The following COL4A2 variants were observed in gnomAD, a reference collection of about 807,000 sequenced individuals.
COL4A2 encodes the protein collagen alpha-2(IV) chain.
COL4A2 carries 99 observed loss-of-function variants against 200.2 expected under a neutral mutation model. The ratio of observed to expected loss-of-function variants is 0.49; its 90% confidence interval spans 0.42 to 0.58. The LOEUF (loss-of-function observed/expected upper bound fraction) is 0.58. Among genes scored for constraint, COL4A2 ranks in the 20% least tolerant of loss-of-function variants. COL4A2 has a pLI of 0.00. For synonymous variants in COL4A2, 897 were observed against 900.6 expected, an observed-to-expected ratio of 1.00 and a Z score of 0.07; for missense variants, 1,950 against 2,314.1, an observed-to-expected ratio of 0.84 and a Z score of 3.23.
intron 40 of COL4A2, 143 bp from the exon 41 acceptor site, chr13:110,501,525 G>T: frequency 3.0e-6 from 2 of 659,324 alleles, no homozygotes; most frequent in Non-Finnish European, 2.6e-6. Flanking sequence ...ACCATGAGAT[G>T]TTCCTTGGCC....
intron 24 of COL4A2, among the ~76,000 whole-genome samples, chr13:110,465,199 C>T (rs1566549332): frequency 6.6e-6 from 1 of 152,166 alleles, no homozygotes; most frequent in East Asian, 1.9e-4. Flanking sequence ...GAACCGGCTT[C>T]CGTGGCATTG....
intron 20 of COL4A2, 54 bp downstream of exon 20, chr13:110,450,508 GGTCCCA>G: frequency 3.8e-6 from 6 of 1,589,710 alleles, no homozygotes; most frequent in Non-Finnish European, 5.2e-6. Flanking sequence ...GATGAAGCCC[GGTCCCA>G]GCCGGATGTT....
chr13:110,413,840 G>C (rs1252018631), intron 4 of COL4A2, among the ~76,000 whole-genome samples: 1 of 152,196 alleles, frequency 6.6e-6, no homozygotes, highest in African/African-American at 2.4e-5. Context: ...CAGCATGTGG[G>C]ACCCTCAGGG....
At chr13:110,417,614 T>C (rs1880092780) in intron 4 of COL4A2, among the ~76,000 whole-genome samples, 1 of 152,198 alleles carries the variant, frequency 6.6e-6, no homozygotes, top group Non-Finnish European at 1.5e-5. Context: ...GCCCTCTCAG[T>C]TAGTCCCTCC....
intron 3 of COL4A2, among the ~76,000 whole-genome samples, chr13:110,340,183 T>A (rs1194744064): frequency 6.6e-6 from 1 of 152,150 alleles, no homozygotes; most frequent in East Asian, 1.9e-4. Flanking sequence ...GAGTGCCTGA[T>A]CTCAGCTCAC....
intron 3 of COL4A2, among the ~76,000 whole-genome samples, chr13:110,319,289 C>T (rs1179826135): frequency 6.6e-6 from 1 of 152,134 alleles, no homozygotes; most frequent in Non-Finnish European, 1.5e-5. Context: ...CCAAAGGAAA[C>T]ATTTTAATAT....
At chr13:110,408,482 C>T (rs1482209523) in intron 4 of COL4A2, among the ~76,000 whole-genome samples, 1 of 152,232 alleles carries the variant, frequency 6.6e-6, no homozygotes, top group African/African-American at 2.4e-5. Flanking sequence ...CGTCGGCTGG[C>T]CGTCCCCAAG....
chr13:110,476,543 C>T (rs1882711929), intron 29 of COL4A2, among the ~76,000 whole-genome samples: 1 of 152,196 alleles, frequency 6.6e-6, no homozygotes, highest in Non-Finnish European at 1.5e-5. Flanking sequence ...CTGACCGGGT[C>T]CCTTTTGTCA....
intron 24 of COL4A2, among the ~76,000 whole-genome samples, chr13:110,465,004 T>C (rs9515227): frequency 0.58 from 88,415 of 152,086 alleles, 26,391 homozygotes; most frequent in Middle Eastern, 0.73. Context: ...ACGTAGCATC[T>C]CTTAAAATAA....
At chr13:110,437,864 CAT>C (rs1200325889) in intron 13 of COL4A2, 136 bp from the exon 14 acceptor site, 67 of 746,904 alleles carry the variant, frequency 9.0e-5, no homozygotes, top group Non-Finnish European at 1.4e-4. Context: ...ATTTAAGAGT[CAT>C]GTGTTGTAAT....
intron 32 of COL4A2, among the ~76,000 whole-genome samples, chr13:110,484,548 G>A (rs971175260): frequency 5.3e-5 from 8 of 152,234 alleles, no homozygotes; most frequent in Middle Eastern, 3.4e-3. Context: ...GCTTGTGACC[G>A]AGGTCCATCA....
At chr13:110,334,532 A>G (rs1201923116) in intron 3 of COL4A2, among the ~76,000 whole-genome samples, 1 of 152,212 alleles carries the variant, frequency 6.6e-6, no homozygotes, top group East Asian at 1.9e-4. Context: ...TCCCTTCCCA[A>G]GTAGAAACAC....
In COL4A2 at chr13:110,307,815, G is replaced by T; in HGVS notation, c.-44-45G>T. 22 of 1,480,792 alleles carry T rather than the reference G, an allele frequency of 1.5e-5. No individual in the cohort carries two copies. Among genetic ancestry groups the T allele is most frequent in the Non-Finnish European group, 2.0e-5 (22 of 1,098,222 alleles). 91.7% of individuals were successfully genotyped at this position (1,480,792 alleles called of 1,614,324 possible). A position where few individuals can be genotyped will look rare whatever the true frequency, so the allele number is the denominator to read the frequency against. ...CCGAGACCGGCGGTGAGGATGGGCT[G>T]CCTCCCTCATCCTGCGCTAAACTCG... On this transcript the variant is annotated intron_variant, in intron 1 of 47. Transcript: ENST00000360467. This position sits in a 1 kb window ranked among gnomAD's most constrained non-coding sequence, Gnocchi z 5.0.
At chr13:110,317,922 A>G (rs946110967) in intron 3 of COL4A2, among the ~76,000 whole-genome samples, 2 of 152,216 alleles carry the variant, frequency 1.3e-5, no homozygotes, top group Non-Finnish European at 2.9e-5. Context: ...ACAGAGAGAC[A>G]GGGGATTCCA....
intron 10 of COL4A2, among the ~76,000 whole-genome samples, chr13:110,431,661 G>A (rs1880685844): frequency 6.6e-6 from 1 of 152,250 alleles, no homozygotes; most frequent in East Asian, 1.9e-4. Context: ...GGAGAAGTCC[G>A]GCACAACAGA....
At chr13:110,331,234 T>C (rs1308947563) in intron 3 of COL4A2, among the ~76,000 whole-genome samples, 1 of 152,192 alleles carries the variant, frequency 6.6e-6, no homozygotes, top group African/African-American at 2.4e-5. Context: ...TATATTACAG[T>C]TCCCAATTAT....
chr13:110,503,024 A>C, intron 41 of COL4A2, 97 bp from the exon 42 acceptor site: 11 of 1,145,492 alleles, frequency 9.6e-6, no homozygotes, highest in Non-Finnish European at 1.3e-5. Flanking sequence ...CAGACTTGCC[A>C]GAGACTGTCG....
At chr13:110,403,588 A>G (rs1879454725) in intron 4 of COL4A2, among the ~76,000 whole-genome samples, 1 of 152,124 alleles carries the variant, frequency 6.6e-6, no homozygotes, top group Admixed American at 6.5e-5. Flanking sequence ...GGAATCTCTA[A>G]GATGGTTGAG....
At chr13:110,422,527 G>C (rs1594205234) in intron 4 of COL4A2, among the ~76,000 whole-genome samples, 1 of 152,172 alleles carries the variant, frequency 6.6e-6, no homozygotes, top group East Asian at 1.9e-4. Context: ...GGCTGCCCGA[G>C]GTGAGTACTG....
Sources: allele counts gnomAD v4.1 joint callset (sites outside exome capture counted in the v4.1 genomes callset), GRCh38; gene constraint gnomAD v4.1.1; non-coding constraint Gnocchi (gnomAD v3.1); transcripts MANE v1.5; gene names NCBI Gene and HGNC (gene_info 2026-07-23, HGNC 2026-07-21).